Variants in PDE11A observed in about 807,000 individuals in gnomAD.
PDE11A encodes the protein phosphodiesterase 11A.
PDE11A carries 100 observed loss-of-function variants against 100.5 expected under a neutral mutation model. The ratio of observed to expected loss-of-function variants is 1.00; its 90% CI spans 0.85 to 1.18. The LOEUF (loss-of-function observed/expected upper bound fraction) is 1.18, where lower values mean the gene tolerates loss of function less well. Ranked by LOEUF, PDE11A falls within the 50% of genes most tolerant of loss-of-function variation. The pLI, the probability that PDE11A is intolerant of heterozygous loss-of-function variation, is 0.00. For synonymous variants in PDE11A, 381 were observed against 420.8 expected, an observed-to-expected ratio of 0.91 and a Z score of 1.16; for missense variants, 1,141 against 1,152.6, an observed-to-expected ratio of 0.99 and a Z score of 0.15.
At chr2:178,096,895 T>C (rs2087499086) in intron 2 of PDE11A, among the ~76,000 whole-genome samples, 1 of 149,256 alleles carries the variant, frequency 6.7e-6, no homozygotes, top group Non-Finnish European at 1.5e-5. Context: ...GCACATTTTG[T>C]TTTTTTTTTA....
chr2:177,842,532 G>T (rs1050887180), intron 5 of PDE11A, among the ~76,000 whole-genome samples: 4 of 152,238 alleles, frequency 2.6e-5, no homozygotes, highest in African/African-American at 7.2e-5. Flanking sequence ...CTTAGTTATA[G>T]GCAATGGAGA....
chr2:177,691,599 A>C (rs1181278532), intron 15 of PDE11A, among the ~76,000 whole-genome samples: 2 of 152,138 alleles, frequency 1.3e-5, no homozygotes, highest in Non-Finnish European at 2.9e-5. Flanking sequence ...ACTTGGTTCA[A>C]ATTCCAGATA....
intron 1 of PDE11A, among the ~76,000 whole-genome samples, chr2:178,050,671 T>A (rs182760374): frequency 6.6e-6 from 1 of 152,258 alleles, no homozygotes; most frequent in Admixed American, 6.5e-5. Flanking sequence ...AATGACCTGA[T>A]GGAGCTGAAA....
At chr2:177,991,101 A>G (rs944678456) in intron 2 of PDE11A, among the ~76,000 whole-genome samples, 5 of 151,020 alleles carry the variant, frequency 3.3e-5, no homozygotes, top group African/African-American at 1.2e-4. Context: ...GCATGGGTAG[A>G]TTACTTGAGG....
chr2:178,088,934 TTAA>T (rs1424865103), intron 2 of PDE11A, among the ~76,000 whole-genome samples: 3 of 152,182 alleles, frequency 2.0e-5, no homozygotes, highest in Non-Finnish European at 4.4e-5. Context: ...GTTGTAAAAG[TTAA>T]TTATTATTTC....
At chr2:178,038,073 C>T (rs969968863) in intron 1 of PDE11A, among the ~76,000 whole-genome samples, 14 of 151,744 alleles carry the variant, frequency 9.2e-5, no homozygotes, top group Non-Finnish European at 1.8e-4. Flanking sequence ...AGATTAGATA[C>T]CCTTTAATGT....
intron 19 of PDE11A, among the ~76,000 whole-genome samples, chr2:177,645,011 T>C (rs1375931913): frequency 6.6e-6 from 1 of 152,174 alleles, no homozygotes; most frequent in East Asian, 1.9e-4. Context: ...CTTTCTTTCT[T>C]TTGTAAATCA....
intron 9 of PDE11A, among the ~76,000 whole-genome samples, chr2:177,804,685 G>C (rs1171858120): frequency 7.2e-6 from 1 of 139,306 alleles, no homozygotes; most frequent in Non-Finnish European, 1.6e-5. Context: ...ATGTCCATCA[G>C]TATAAGACTG....
chr2:178,080,790 G>C (rs1252089596), intron 2 of PDE11A, among the ~76,000 whole-genome samples: 4 of 151,748 alleles, frequency 2.6e-5, no homozygotes, highest in East Asian at 1.9e-4. Context: ...TTACTCCCAA[G>C]AGTAACTTCC....
intron 18 of PDE11A, among the ~76,000 whole-genome samples, chr2:177,665,898 TTCTG>T (rs2080571100): frequency 6.6e-6 from 1 of 152,246 alleles, no homozygotes; most frequent in Non-Finnish European, 1.5e-5. Context: ...TTCTCTATAG[TTCTG>T]TCTAAAATTT....
intron 4 of PDE11A, among the ~76,000 whole-genome samples, chr2:177,877,771 C>T (rs1467634008): frequency 1.3e-5 from 2 of 152,118 alleles, no homozygotes; most frequent in Non-Finnish European, 2.9e-5. Context: ...TTTGAAGTCT[C>T]CTTTTCTGAG....
At chr2:177,941,338 T>A (rs1329987571) in intron 2 of PDE11A, among the ~76,000 whole-genome samples, 1 of 152,152 alleles carries the variant, frequency 6.6e-6, no homozygotes, top group Non-Finnish European at 1.5e-5. Flanking sequence ...CTTTATCAGT[T>A]AAATTCCTCA....
intron 6 of PDE11A, among the ~76,000 whole-genome samples, chr2:177,821,095 G>GA (rs2083132070): frequency 6.6e-6 from 1 of 151,844 alleles, no homozygotes; most frequent in African/African-American, 2.4e-5. Context: ...TGGATATGGA[G>GA]ATAAAAAGAT....
chr2:177,666,709 G>C (rs906204346), intron 18 of PDE11A, among the ~76,000 whole-genome samples: 1 of 142,300 alleles, frequency 7.0e-6, no homozygotes, highest in Non-Finnish European at 1.5e-5. Flanking sequence ...TTGGAGATAT[G>C]TCTGTTCAGA....
At chr2:177,673,870 T>C (rs2080725217) in intron 17 of PDE11A, among the ~76,000 whole-genome samples, 1 of 152,198 alleles carries the variant, frequency 6.6e-6, no homozygotes, top group Non-Finnish European at 1.5e-5. Flanking sequence ...AAGCATTTAA[T>C]TGCCAGTGCA....
intron 9 of PDE11A, among the ~76,000 whole-genome samples, chr2:177,796,290 G>A (rs1189311562): frequency 2.0e-4 from 31 of 151,894 alleles, no homozygotes; most frequent in Admixed American, 1.4e-3. Context: ...ATGGATTTCC[G>A]GGACGATGTC....
chr2:177,890,659 A>G (rs1020277791), intron 4 of PDE11A, among the ~76,000 whole-genome samples: 13 of 152,222 alleles, frequency 8.5e-5, no homozygotes, highest in African/African-American at 2.7e-4. Flanking sequence ...AGATAAATCC[A>G]TTTAGCAAAT....
intron 1 of PDE11A, among the ~76,000 whole-genome samples, chr2:178,017,163 A>AT (rs1179291697): frequency 6.6e-6 from 1 of 152,284 alleles, no homozygotes; most frequent in African/African-American, 2.4e-5. Context: ...ATTATGCAGA[A>AT]TATAGAAAAG....
At chr2:178,052,018 A>G (rs2086834996) in intron 1 of PDE11A, among the ~76,000 whole-genome samples, 1 of 152,126 alleles carries the variant, frequency 6.6e-6, no homozygotes, top group African/African-American at 2.4e-5. Context: ...CAGACCTAAT[A>G]GACATCTACA....
Sources: allele counts gnomAD v4.1 joint callset (sites outside exome capture counted in the v4.1 genomes callset), GRCh38; gene constraint gnomAD v4.1.1; transcripts MANE v1.5; gene names NCBI Gene and HGNC (gene_info 2026-07-23, HGNC 2026-07-21).